SMAD1: variants seen among roughly 807,000 people sequenced by gnomAD.
The protein encoded by SMAD1 is MAD, mothers against decapentaplegic homolog 1.
Under a neutral mutation model 41.6 loss-of-function variants are expected in SMAD1, and 6 were observed. The observed-to-expected ratio is 0.14, with a 90% confidence interval of 0.08 to 0.28. The LOEUF is 0.28. SMAD1 is among the 10% of genes least tolerant of loss of function. SMAD1 has a pLI of 1.00. For synonymous variants in SMAD1, 206 were observed against 203.2 expected, an observed-to-expected ratio of 1.01 and a Z score of -0.12; for missense variants, 379 against 582.6, an observed-to-expected ratio of 0.65 and a Z score of 3.60.
chr4:145,491,303 C>T (rs911631554), intron 1 of SMAD1, among the ~76,000 whole-genome samples: 3 of 152,136 alleles, frequency 2.0e-5, no homozygotes, highest in Admixed American at 2.0e-4. Context: ...GAAGATTCTG[C>T]GCCTGTAATC....
At chr4:145,549,504 G>A (rs1269059718) in intron 5 of SMAD1, among the ~76,000 whole-genome samples, 1 of 152,186 alleles carries the variant, frequency 6.6e-6, no homozygotes, top group African/African-American at 2.4e-5. Flanking sequence ...GGGAAGGAGA[G>A]CCCAAGTGAT....
Position 145,553,951 on chromosome 4 carries a change from G to T in SMAD1, c.1165G>T (p.Ala389Ser). Reference sequence around the variant, plus strand: ...GAAAATTTTTAACAACCAAGAATTTGCTCAGTTATTGGCACAGTCTGTGAA... The same window carrying T: ...GAAAATTTTTAACAACCAAGAATTTTCTCAGTTATTGGCACAGTCTGTGAA... ...SLKIFNNQEF[A>S]QLLAQSVNHG... The change falls in exon 6 of 7, where the codon GCT becomes TCT. Residue 389 changes from alanine (A) to serine (S), a missense_variant. By Grantham distance (99) the Ala-to-Ser change is moderately conservative (BLOSUM62 1). Coordinates refer to ENST00000302085, the MANE Select transcript of SMAD1 (RefSeq NM_005900.3). 1 of 1,613,980 alleles carries T rather than the reference G, an allele frequency of 6.2e-7. No homozygotes were observed. Among genetic ancestry groups the T allele is most frequent in the Non-Finnish European group, 8.5e-7 (1 of 1,179,944 alleles).
intron 2 of SMAD1, among the ~76,000 whole-genome samples, chr4:145,533,539 C>T (rs1333359996): frequency 6.6e-6 from 1 of 151,558 alleles, no homozygotes; most frequent in East Asian, 1.9e-4. Context: ...TAAAAATTAA[C>T]TGCGCATGGT....
rs1729690552 is a variant in SMAD1, at chr4:145,505,093, C to A, written c.-176-9345C>A. 2.0e-5 allele frequency among the ~76,000 whole-genome samples: 3 copies of A among 152,244 alleles called. No individual in the cohort carries two copies. The South Asian group carries it at 6.2e-4, about 32-fold the overall frequency. ...GAAATCATGATCTATTTGGACAATT[C>A]CATCTTTGTTTGGACTATACAGTTG... On this transcript the variant is annotated intron_variant, in intron 1 of 6. Transcript: ENST00000302085.
chr4:145,530,082 A>T (rs1289324117), intron 2 of SMAD1, among the ~76,000 whole-genome samples: 2 of 152,344 alleles, frequency 1.3e-5, no homozygotes, highest in Non-Finnish European at 2.9e-5. Context: ...GGTGCCAGAC[A>T]CTGGCACCTA....
intron 1 of SMAD1, among the ~76,000 whole-genome samples, chr4:145,491,663 T>C (rs181747606): frequency 7.9e-5 from 12 of 152,288 alleles, no homozygotes; most frequent in African/African-American, 2.9e-4. Flanking sequence ...GTACAAGATA[T>C]ATACAAAGTA....
intron 2 of SMAD1, among the ~76,000 whole-genome samples, chr4:145,520,730 G>A (rs1470253722): frequency 6.6e-6 from 1 of 152,172 alleles, no homozygotes; most frequent in African/African-American, 2.4e-5. Context: ...ATTCGGCTCA[G>A]TGCAAGTTTT....
At chr4:145,557,180 G>A (rs114499891) in intron 6 of SMAD1, among the ~76,000 whole-genome samples, 1,788 of 152,274 alleles carry the variant, frequency 0.012, 32 homozygotes, top group African/African-American at 0.04. Context: ...CTATGGAACT[G>A]TATTGTCTTA....
intron 2 of SMAD1, among the ~76,000 whole-genome samples, chr4:145,521,722 T>A (rs900619131): frequency 3.9e-5 from 6 of 152,112 alleles, no homozygotes; most frequent in African/African-American, 1.4e-4. Flanking sequence ...TGAGAGATCC[T>A]TGGGGTGACG....
intron 5 of SMAD1, among the ~76,000 whole-genome samples, chr4:145,547,413 G>A (rs1732308606): frequency 6.6e-6 from 1 of 152,136 alleles, no homozygotes; most frequent in African/African-American, 2.4e-5. Flanking sequence ...ATATAAGACA[G>A]CACCTTCAAA....
intron 5 of SMAD1, among the ~76,000 whole-genome samples, chr4:145,548,650 A>G (rs1732389025): frequency 6.6e-6 from 1 of 152,218 alleles, no homozygotes; most frequent in African/African-American, 2.4e-5. Flanking sequence ...AGTCAGTGCT[A>G]AAGTTTGAAT....
chr4:145,537,786 C>T (rs781292553), intron 2 of SMAD1, among the ~76,000 whole-genome samples: 28 of 152,138 alleles, frequency 1.8e-4, no homozygotes, highest in Non-Finnish European at 3.7e-4. Flanking sequence ...TCCCTCACTG[C>T]CCCCATCTGC....
rs137943361 is a variant in SMAD1 at position 145,557,961 on chromosome 4, A to C, written c.*27A>C. The C allele has an allele frequency of 3.9e-5, 62 of 1,576,696 alleles. No homozygotes were observed. The East Asian group carries it at 1.2e-3, about 30-fold the overall frequency. On this transcript the variant is annotated 3_prime_UTR_variant, in exon 7 of 7. Coordinates refer to ENST00000302085, the MANE Select transcript of SMAD1 (RefSeq NM_005900.3). ...TGGCCCCAGGCATCTGCCTCTGGAA[A>C]ACTATTGAGCCTTGCATGTACTTGA...
intron 5 of SMAD1, among the ~76,000 whole-genome samples, chr4:145,547,926 A>G (rs1198172958): frequency 6.6e-6 from 1 of 152,242 alleles, no homozygotes; most frequent in East Asian, 1.9e-4. Flanking sequence ...AGAAGCATAC[A>G]TACCCAGTAG....
intron 2 of SMAD1, among the ~76,000 whole-genome samples, chr4:145,521,013 AAGT>A (rs753473060): frequency 1.6e-4 from 24 of 152,236 alleles, no homozygotes; most frequent in Non-Finnish European, 3.2e-4. Flanking sequence ...ATCTTTGGGA[AAGT>A]AGAAAATGTT....
intron 5 of SMAD1, among the ~76,000 whole-genome samples, chr4:145,548,396 A>G (rs1050193937): frequency 1.3e-5 from 2 of 151,870 alleles, no homozygotes; most frequent in Non-Finnish European, 2.9e-5. Context: ...ACACTCGGCT[A>G]ATTTTTGTAT....
At position 145,514,724 on chromosome 4, in the gene SMAD1, G is replaced by A. The variant is rs1347943290; in HGVS notation, c.111G>A (p.Leu37=). The A allele has an allele frequency of 1.9e-6, 3 of 1,614,078 alleles. No individual in the cohort carries two copies. The highest frequency in any genetic ancestry group is 3.3e-5 in the Admixed American group (2 of 60,000). ...EKWAEKAVDA[L]VKKLKKKKGA... Reference sequence around the variant, plus strand: ...GGGCAGAGAAAGCTGTTGATGCTTTGGTGAAAAAACTGAAGAAAAAGAAAG... The same window carrying A: ...GGGCAGAGAAAGCTGTTGATGCTTTAGTGAAAAAACTGAAGAAAAAGAAAG... The change falls in exon 2 of 7, where the codon TTG becomes TTA. Residue 37 remains leucine, a synonymous_variant. Coordinates refer to ENST00000302085, the MANE Select transcript of SMAD1 (RefSeq NM_005900.3). The surrounding 1 kb of genome is among the most constrained non-coding windows in gnomAD (Gnocchi z 4.7).
At chr4:145,492,157 T>C (rs879694551) in intron 1 of SMAD1, among the ~76,000 whole-genome samples, 2 of 152,178 alleles carry the variant, frequency 1.3e-5, no homozygotes, top group African/African-American at 4.8e-5. Context: ...CAAAATACTT[T>C]TGTGACTAAA....
At chr4:145,524,461 A>G (rs184197084) in intron 2 of SMAD1, among the ~76,000 whole-genome samples, 1 of 152,146 alleles carries the variant, frequency 6.6e-6, no homozygotes, top group African/African-American at 2.4e-5. Flanking sequence ...ATAAGTTGTT[A>G]TACATCGATG....
Sources: allele counts gnomAD v4.1 joint callset (sites outside exome capture counted in the v4.1 genomes callset), GRCh38; gene constraint gnomAD v4.1.1; non-coding constraint Gnocchi (gnomAD v3.1); transcripts MANE v1.5; gene names NCBI Gene and HGNC (gene_info 2026-07-23, HGNC 2026-07-21).